The following ACTL8 variants were observed in gnomAD, a reference collection of about 807,000 sequenced individuals.
ACTL8 encodes the protein actin-like protein 8.
A neutral mutation model predicts 9.3 loss-of-function variants in ACTL8; 3 were observed. The observed-to-expected ratio is 0.32, with a 90% CI of 0.15 to 0.83. The LOEUF is 0.83. Among genes scored for constraint, ACTL8 ranks in the 40% least tolerant of loss-of-function variants. The pLI, the probability that ACTL8 is intolerant of heterozygous loss-of-function variation, is 0.57. For synonymous variants in ACTL8, 224 were observed against 205.9 expected (o/e 1.09, Z -0.75); for missense variants, 381 against 492.2 (o/e 0.77, Z 2.14).
intron 1 of ACTL8, among the ~76,000 whole-genome samples, chr1:17,777,004 T>TTTTTA: frequency 1.9e-5 from 2 of 102,974 alleles, no homozygotes; most frequent in Non-Finnish European, 3.8e-5. Context: ...TTTTTTTTTT[T>TTTTTA]TAGAGATGGG....
intron 1 of ACTL8, among the ~76,000 whole-genome samples, chr1:17,760,378 T>C (rs949086866): frequency 2.6e-5 from 4 of 152,172 alleles, no homozygotes; most frequent in Admixed American, 6.5e-5. Context: ...CTTTGCTCCA[T>C]TGTCTTTTTC....
intron 1 of ACTL8, among the ~76,000 whole-genome samples, chr1:17,817,464 C>T (rs1054565354): frequency 2.0e-5 from 3 of 152,118 alleles, no homozygotes; most frequent in Non-Finnish European, 4.4e-5. Flanking sequence ...TTGTTTTCCT[C>T]CTAATTTCTC....
chr1:17,818,603 T>C (rs473648), intron 1 of ACTL8, among the ~76,000 whole-genome samples: 86,417 of 152,142 alleles, frequency 0.57, 25,088 homozygotes, highest in East Asian at 0.75. Context: ...TTTGCACTTG[T>C]TGTTCCTTTG....
intron 1 of ACTL8, among the ~76,000 whole-genome samples, chr1:17,788,767 C>T (rs1402162047): frequency 6.6e-6 from 1 of 152,162 alleles, no homozygotes; most frequent in Non-Finnish European, 1.5e-5. Context: ...TGCAGAAGGC[C>T]CAGTGCAAAC....
intron 1 of ACTL8, among the ~76,000 whole-genome samples, chr1:17,781,022 C>T (rs1389704894): frequency 2.0e-5 from 3 of 152,096 alleles, no homozygotes; most frequent in East Asian, 1.9e-4. Flanking sequence ...AGTCTGAGAT[C>T]GGTCAGCAGA....
chr1:17,760,397 T>C (rs1470652458), intron 1 of ACTL8, among the ~76,000 whole-genome samples: 1 of 152,086 alleles, frequency 6.6e-6, no homozygotes, highest in Admixed American at 6.6e-5. Flanking sequence ...TCCTAAACTG[T>C]GAAATGGGTT....
intron 1 of ACTL8, among the ~76,000 whole-genome samples, chr1:17,762,640 G>A (rs1221946581): frequency 2.6e-5 from 4 of 152,138 alleles, no homozygotes; most frequent in Non-Finnish European, 2.9e-5. Context: ...CCCCGATATC[G>A]AACCCCAGGG....
chr1:17,774,806 C>T (rs998636216), intron 1 of ACTL8, among the ~76,000 whole-genome samples: 4 of 152,158 alleles, frequency 2.6e-5, no homozygotes, highest in Non-Finnish European at 5.9e-5. Context: ...CCTGGAGCCG[C>T]TGGAAGAGGG....
intron 1 of ACTL8, among the ~76,000 whole-genome samples, chr1:17,769,957 T>C (rs1052203083): frequency 1.3e-5 from 2 of 152,212 alleles, no homozygotes; most frequent in South Asian, 4.1e-4. Flanking sequence ...TTGCAGTGTC[T>C]GGATTATTTG....
At position 17,823,068 on chromosome 1, in the gene ACTL8, C is replaced by T. The variant is rs116433945; in HGVS notation, c.60C>T (p.Ala20=). The T allele has an allele frequency of 3.3e-4, 539 of 1,614,178 alleles. 4 individuals carry two copies. In the East Asian group the frequency reaches 9.2e-3, roughly 28 times the overall value. The change falls in exon 2 of 3, where the codon GCC becomes GCT. Residue 20 remains alanine (A), a synonymous_variant. Coordinates refer to ENST00000375406, the MANE Select transcript of ACTL8 (RefSeq NM_030812.3). The surrounding 1 kb of genome is among the most constrained non-coding windows in gnomAD (Gnocchi z 5.3). ...HGSGFLKAGT[A]GWNEPQMVFP... ...CTGGCTTTTTGAAGGCTGGCACGGC[C>T]GGCTGGAATGAGCCTCAGATGGTCT...
chr1:17,797,809 G>A (rs559081348), intron 1 of ACTL8, among the ~76,000 whole-genome samples: 1 of 151,688 alleles, frequency 6.6e-6, no homozygotes, highest in South Asian at 2.1e-4. Context: ...ATTGTGGGAT[G>A]GAAGTAAAGC....
At chr1:17,787,441 G>T (rs1291835332) in intron 1 of ACTL8, among the ~76,000 whole-genome samples, 1 of 151,972 alleles carries the variant, frequency 6.6e-6, no homozygotes, top group Non-Finnish European at 1.5e-5. Flanking sequence ...ATTTTTTTCT[G>T]TATTTTTAGT....
At chr1:17,802,452 T>TGTGTGTGTG (rs2066328445) in intron 1 of ACTL8, among the ~76,000 whole-genome samples, 2 of 147,658 alleles carry the variant, frequency 1.4e-5, no homozygotes, top group East Asian at 2.0e-4. Context: ...TGTGTGTGTG[T>TGTGTGTGTG]TGGAGGGCAG....
chr1:17,794,473 G>A (rs1218087867), intron 1 of ACTL8, among the ~76,000 whole-genome samples: 4 of 152,216 alleles, frequency 2.6e-5, no homozygotes, highest in Non-Finnish European at 4.4e-5. Context: ...CTCCACAGGA[G>A]AAATGGCTTT....
At chr1:17,806,367 G>A (rs1416702544) in intron 1 of ACTL8, among the ~76,000 whole-genome samples, 1 of 152,174 alleles carries the variant, frequency 6.6e-6, no homozygotes. Flanking sequence ...ATGCAAATTT[G>A]ATGTCTTTCT....
chr1:17,780,915 T>TG (rs1466097500), intron 1 of ACTL8, among the ~76,000 whole-genome samples: 1 of 152,174 alleles, frequency 6.6e-6, no homozygotes, highest in African/African-American at 2.4e-5. Context: ...TCTCTGGGAC[T>TG]GGGGGGCTGT....
At chr1:17,775,545 C>T (rs1368599001) in intron 1 of ACTL8, among the ~76,000 whole-genome samples, 4 of 152,208 alleles carry the variant, frequency 2.6e-5, no homozygotes, top group Admixed American at 2.6e-4. Context: ...GGTGACATCA[C>T]AAGGAAACCA....
intron 1 of ACTL8, among the ~76,000 whole-genome samples, chr1:17,782,597 C>T (rs762049681): frequency 3.3e-5 from 5 of 152,138 alleles, no homozygotes; most frequent in Admixed American, 6.5e-5. Context: ...CACATTTTCA[C>T]GTGAAGAAGT....
At chr1:17,786,455 G>A (rs1301400181) in intron 1 of ACTL8, among the ~76,000 whole-genome samples, 1 of 152,190 alleles carries the variant, frequency 6.6e-6, no homozygotes, top group Non-Finnish European at 1.5e-5. Flanking sequence ...TCAGATGTCT[G>A]TTTGTCTTGT....
Sources: gnomAD v4.1 joint callset for allele counts (sites outside exome capture counted in the v4.1 genomes callset) on GRCh38, gnomAD v4.1.1 for gene constraint, Gnocchi (gnomAD v3.1) non-coding constraint, MANE v1.5 for transcripts, NCBI Gene and HGNC (gene_info 2026-07-23, HGNC 2026-07-21) for gene names.